The following SLC5A9 variants were observed in gnomAD, a reference collection of about 807,000 sequenced individuals.
The protein encoded by SLC5A9 is sodium/glucose cotransporter 4.
In SLC5A9, 59 loss-of-function variants were observed where a neutral mutation model predicts 70.9. The ratio of observed to expected loss-of-function variants is 0.83; its 90% CI spans 0.68 to 1.03. The LOEUF is 1.03. SLC5A9 is among the 50% of genes least tolerant of loss of function. SLC5A9 has a pLI of 0.00. For synonymous variants in SLC5A9, 340 were observed against 346.5 expected, an observed-to-expected ratio of 0.98 and a Z score of 0.21; for missense variants, 832 against 881.1, an observed-to-expected ratio of 0.94 and a Z score of 0.71.
intron 8 of SLC5A9, 69 bp from the exon 9 acceptor site, chr1:48,233,586 A>G: frequency 3.2e-6 from 4 of 1,246,322 alleles, no homozygotes; most frequent in Non-Finnish European, 4.7e-6. Flanking sequence ...TAGTTTTGGA[A>G]AGCAAATACT....
Position 48,231,987 on chromosome 1 carries a change from TACA to T in SLC5A9, c.734_736del (p.Tyr245_Arg246delinsTrp). Reference sequence around the variant, plus strand: ...CTGGTACCCAGGCCTGGAGCAGCGGTACAGGCAGGCCATCCCTAATGTCACAGT... The same window carrying T: ...CTGGTACCCAGGCCTGGAGCAGCGGTGGCAGGCCATCCCTAATGTCACAGT... On this transcript the variant is annotated inframe_deletion, in exon 7 of 14. Transcript: ENST00000438567. 6.2e-7 allele frequency: 1 copy of T among 1,614,116 alleles called. No individual in the cohort carries two copies.
In SLC5A9 at chr1:48,247,534, T is replaced by C. The variant is rs7535096; in HGVS notation, c.2037T>C (p.Tyr679=). 108,481 of 1,614,046 alleles carry C rather than the reference T, an allele frequency of 0.067. 4,020 individuals carry two copies. The highest frequency in any genetic ancestry group is 0.076 in the Non-Finnish European group (89,093 of 1,179,902). The part of the protein sequence containing the change: ...LLAINIFLWG[Y]FA ...CCATCAACATCTTCCTCTGGGGCTATTTTGCGTGATTCCACAGACCTGGCT... is the reference window on the plus strand; with the variant it reads ...CCATCAACATCTTCCTCTGGGGCTACTTTGCGTGATTCCACAGACCTGGCT... Residue 679 remains tyrosine (Y), a synonymous_variant, in exon 14 of 14, where the codon TAT becomes TAC. Transcript: ENST00000438567.
At position 48,244,910 on chromosome 1, in the gene SLC5A9, A is replaced by AT. The variant is rs56780309; in HGVS notation, c.1837+2294_1837+2295insT. Among the ~76,000 whole-genome samples the AT allele has an allele frequency of 3.5e-4, 39 of 110,624 alleles. 2 individuals carry two copies. Among genetic ancestry groups the AT allele is most frequent in the African/African-American group, 9.8e-4 (30 of 30,506 alleles). The allele number at this position is 110,624 out of a possible 152,430, so 72.6% of individuals were successfully genotyped here. On this transcript the variant is annotated intron_variant, in intron 13 of 13. Coordinates refer to ENST00000438567, the MANE Select transcript of SLC5A9 (RefSeq NM_001011547.3). The stretch of plus-strand genomic sequence containing the variant: ...TATATATATATATATATATATATAT[A>AT]AAACCTCTGTCTCAGAAGGTTGCCA...
Position 48,235,734 on chromosome 1 carries a change from C to A in SLC5A9, c.1147C>A (p.Arg383=), listed in dbSNP as rs1345828939. The A allele has an allele frequency of 6.2e-7, 1 of 1,614,174 alleles. No individual in the cohort carries two copies. The change falls in exon 10 of 14, where the codon CGG becomes AGG. Residue 383 remains arginine, a synonymous_variant. Transcript: ENST00000438567. ...TGAGCCTCGTCTCTCCCCAGGTCTG[C>A]GGGGGCTGATGATTGCCGTGATCAT... ...LVMALMPVGL[R]GLMIAVIMAA... is the part of the protein sequence containing the mutation.
At chr1:48,233,035 G>A (rs1156718946) in intron 8 of SLC5A9, among the ~76,000 whole-genome samples, 14 of 144,396 alleles carry the variant, frequency 9.7e-5, no homozygotes, top group African/African-American at 3.6e-4. Flanking sequence ...AGGGAGGGAG[G>A]GAAAGGAAAG....
intron 13 of SLC5A9, among the ~76,000 whole-genome samples, chr1:48,245,176 G>A (rs1449520763): frequency 6.6e-6 from 1 of 151,390 alleles, no homozygotes; most frequent in Non-Finnish European, 1.5e-5. Flanking sequence ...AGCAATCTGA[G>A]AGCATGAGCT....
In SLC5A9 at chr1:48,230,665, A is replaced by G. The variant is rs1644235288; in HGVS notation, c.570A>G (p.Thr190=). 1 of 1,613,748 alleles carries G rather than the reference A, an allele frequency of 6.2e-7. No homozygotes were observed. The highest frequency in any genetic ancestry group is 8.5e-7 in the Non-Finnish European group (1 of 1,179,942). Residue 190 remains threonine (T), a synonymous_variant, in exon 5 of 14, where the codon ACA becomes ACG. Transcript: ENST00000438567. ...MALGWNLYLS[T]GILLVVTAVY... ...TGGGCTGGAACCTGTACCTCTCCAC[A>G]GGGATCCTGCTGGTGGTGACTGCCG...
Position 48,242,483 on chromosome 1 carries a change from G to A in SLC5A9, c.1704G>A (p.Arg568=). ...TCACACGCCTCACATGGTGGACTCG[G>A]AACTGCCCCCTCTCTGAGCTGGAGA... The part of the protein sequence containing the change: ...EQLTRLTWWT[R]NCPLSELEKE... Residue 568 remains arginine (R), a synonymous_variant, in exon 13 of 14, where the codon CGG becomes CGA. Coordinates refer to ENST00000438567, the MANE Select transcript of SLC5A9 (RefSeq NM_001011547.3). 1 of 1,611,880 alleles carries A rather than the reference G, an allele frequency of 6.2e-7. No homozygotes were observed. The highest frequency in any genetic ancestry group is 1.1e-5 in the South Asian group (1 of 90,876).
chr1:48,229,799 A>T (rs1486608960), intron 4 of SLC5A9, among the ~76,000 whole-genome samples: 1 of 152,102 alleles, frequency 6.6e-6, no homozygotes, highest in Non-Finnish European at 1.5e-5. Context: ...TCCTCTACTG[A>T]CCTAAAATCA....
rs945575414 is a variant in SLC5A9 at position 48,233,733 on chromosome 1, C to G, written c.1112C>G (p.Pro371Arg). 1 of 1,613,846 alleles carries G rather than the reference C, an allele frequency of 6.2e-7. No homozygotes were observed. The highest frequency in any genetic ancestry group is 8.5e-7 in the Non-Finnish European group (1 of 1,179,962). ...ARVGCSNIAYPKLVMALMPVG... is the reference protein window; with the variant it reads ...ARVGCSNIAYRKLVMALMPVG... ...GTGGGATGTTCCAACATTGCCTACC[C>G]TAAGTTGGTCATGGCCCTCATGCCT... Residue 371 changes from proline (P) to arginine (R), a missense_variant, in exon 9 of 14, where the codon CCT becomes CGT. Transcript: ENST00000438567.
At chr1:48,244,909 T>TATATATATATATATATAA (rs1291048314) in intron 13 of SLC5A9, among the ~76,000 whole-genome samples, 2 of 114,536 alleles carry the variant, frequency 1.7e-5, no homozygotes, top group Admixed American at 1.1e-4. Context: ...TATATATATA[T>TATATATATATATATATAA]AAAACCTCTG....
intron 10 of SLC5A9, among the ~76,000 whole-genome samples, chr1:48,236,119 AG>A (rs34463054): frequency 1.3e-5 from 2 of 152,214 alleles, no homozygotes; most frequent in South Asian, 4.1e-4. Context: ...ATTGATCAAC[AG>A]GGTTGTCGAG....
At position 48,222,838 on chromosome 1, in the gene SLC5A9, C is replaced by T. The variant is rs778006397; in HGVS notation, c.102C>T (p.His34=). The change falls in exon 1 of 14, where the codon CAC becomes CAT. Residue 34 remains histidine (H), a synonymous_variant. Coordinates refer to ENST00000438567, the MANE Select transcript of SLC5A9 (RefSeq NM_001011547.3). ...HIALDSRVGL[H]AYDISVVVIY... The stretch of plus-strand genomic sequence containing the variant: ...CACTGGACTCCAGAGTTGGTCTGCA[C>T]GCCTACGACATCAGCGTGGTGGTCA... 3.4e-5 allele frequency: 55 copies of T among 1,613,998 alleles called. 1 individual carries two copies. The highest frequency in any genetic ancestry group is 3.0e-4 in the Admixed American group (18 of 59,996).
chr1:48,237,388 C>T (rs1644341011), intron 10 of SLC5A9, among the ~76,000 whole-genome samples: 1 of 151,556 alleles, frequency 6.6e-6, no homozygotes, highest in South Asian at 2.1e-4. Context: ...TGTATGAATT[C>T]CTCCTTGAAC....
At chr1:48,236,310 CA>C (rs1174471905) in intron 10 of SLC5A9, among the ~76,000 whole-genome samples, 1 of 152,120 alleles carries the variant, frequency 6.6e-6, no homozygotes, top group Non-Finnish European at 1.5e-5. Context: ...ATCCCACATG[CA>C]GGGGACCCAC....
rs750561464 is a variant in SLC5A9 at position 48,239,310 on chromosome 1, C to T, written c.1462-12C>T. On this transcript the variant is annotated splice_polypyrimidine_tract_variant and intron_variant, in intron 11 of 13. Transcript: ENST00000438567. This position sits in a 1 kb window ranked among gnomAD's most constrained non-coding sequence, Gnocchi z 4.2. Reference sequence around the variant, plus strand: ...GGATCTCACCTCAGCTCTTGTCTGCCCTCTCTCACAGGGAGCTTTCTGGGG... The same window carrying T: ...GGATCTCACCTCAGCTCTTGTCTGCTCTCTCTCACAGGGAGCTTTCTGGGG... 1.3e-6 allele frequency: 2 copies of T among 1,596,936 alleles called. No homozygotes were observed. Among genetic ancestry groups the T allele is most frequent in the South Asian group, 2.2e-5 (2 of 89,466 alleles).
At position 48,239,946 on chromosome 1, in the gene SLC5A9, TG is replaced by T. The variant is rs1644373592; in HGVS notation, c.1677+410del. ...GGAGGGCACACTGATGAGGACACTT[TG>T]AATTAGACCCTGAAGAATGAATAGA... On this transcript the variant is annotated intron_variant, in intron 12 of 13. Transcript: ENST00000438567. The surrounding 1 kb of genome is among the most constrained non-coding windows in gnomAD (Gnocchi z 4.2). Among the ~76,000 whole-genome samples, 1 of 152,154 alleles carries T rather than the reference TG, an allele frequency of 6.6e-6. No individual in the cohort carries two copies. Among genetic ancestry groups the T allele is most frequent in the Non-Finnish European group, 1.5e-5 (1 of 68,036 alleles).
intron 12 of SLC5A9, 58 bp from the exon 13 acceptor site, chr1:48,242,399 C>A (rs907131153): frequency 1.2e-5 from 18 of 1,528,976 alleles, no homozygotes; most frequent in Non-Finnish European, 1.6e-5. Flanking sequence ...GGCCTCTGTT[C>A]TTCTACAGCA....
rs1386334466 is a variant in SLC5A9 at position 48,230,477 on chromosome 1, T to A, written c.505-123T>A. The A allele has an allele frequency of 1.0e-5, 7 of 676,740 alleles. No homozygotes were observed. The African/African-American group carries it at 1.2e-4, about 12-fold the overall frequency. The allele number at this position is 676,740 out of a possible 1,614,324, so 41.9% of individuals were successfully genotyped here. A position where few individuals can be genotyped will look rare whatever the true frequency, so the allele number is the denominator to read the frequency against. On this transcript the variant is annotated intron_variant, in intron 4 of 13. Coordinates refer to ENST00000438567, the MANE Select transcript of SLC5A9 (RefSeq NM_001011547.3). ...CACTCCTTAGCATAGCACTTAAAGC[T>A]CATTTTCATCATGTGATGAGGGCTG...
Sources: allele counts gnomAD v4.1 joint callset (sites outside exome capture counted in the v4.1 genomes callset), GRCh38; gene constraint gnomAD v4.1.1; non-coding constraint Gnocchi (gnomAD v3.1); transcripts MANE v1.5; gene names NCBI Gene and HGNC (gene_info 2026-07-23, HGNC 2026-07-21).